NR1H4: variants seen among roughly 807,000 people sequenced by gnomAD.
NR1H4 encodes nuclear receptor subfamily 1 group H member 4, also known as bile acid receptor.
NR1H4 carries 23 observed loss-of-function variants against 58.5 expected under a neutral mutation model. The ratio of observed to expected loss-of-function variants is 0.39; its 90% CI spans 0.28 to 0.56. The LOEUF is 0.56. NR1H4 is among the 20% of genes least tolerant of loss of function. NR1H4 has a pLI of 0.58. For missense variants in NR1H4, 487 were observed against 576.9 expected, an observed-to-expected ratio of 0.84 and a Z score of 1.60; for synonymous variants, 214 against 198.0, an observed-to-expected ratio of 1.08 and a Z score of -0.68.
intron 9 of NR1H4, among the ~76,000 whole-genome samples, chr12:100,541,981 T>A (rs1172750630): frequency 6.6e-6 from 1 of 152,184 alleles, no homozygotes; most frequent in Non-Finnish European, 1.5e-5. Context: ...TTCCCATTTT[T>A]CAAATGGAAA....
chr12:100,534,399 T>C (rs1203658371), intron 5 of NR1H4, among the ~76,000 whole-genome samples: 1 of 152,214 alleles, frequency 6.6e-6, no homozygotes, highest in Non-Finnish European at 1.5e-5. Context: ...AATGTGAAAT[T>C]CAATATCCTT....
At chr12:100,484,734 A>G (rs1953454279) in intron 1 of NR1H4, among the ~76,000 whole-genome samples, 5 of 151,996 alleles carry the variant, frequency 3.3e-5, no homozygotes, top group Admixed American at 2.6e-4. Flanking sequence ...TCCTTCTTTT[A>G]CTGCTTCCCC....
At chr12:100,535,161 C>A (rs1338153411) in intron 6 of NR1H4, 138 bp downstream of exon 6, 9 of 926,874 alleles carry the variant, frequency 9.7e-6, no homozygotes, top group Non-Finnish European at 1.4e-5. Context: ...AAAATGGATT[C>A]CTAATACATG....
intron 1 of NR1H4, among the ~76,000 whole-genome samples, chr12:100,477,420 G>C (rs1293026021): frequency 1.3e-5 from 2 of 151,742 alleles, no homozygotes; most frequent in Non-Finnish European, 2.9e-5. Flanking sequence ...TTGAGATTTT[G>C]CTTCCCATTT....
chr12:100,561,956 G>A lies in NR1H4; in HGVS notation c.1150G>A (p.Glu384Lys). Residue 384 changes from glutamate (E) to lysine (K), a missense_variant, in exon 10 of 11, where the codon GAG becomes AAG. By Grantham distance (56) the Glu-to-Lys change is moderately conservative (BLOSUM62 1). Transcript: ENST00000392986. ...TATTGGGGAACTGAAAATGACTCAA[G>A]AGGAGTATGCTCTGCTTACAGCAAT... is the stretch of plus-strand genomic sequence containing the variant. ...KSIGELKMTQ[E>K]EYALLTAIVI... The A allele has an allele frequency of 6.4e-7, 1 of 1,571,934 alleles. No homozygotes were observed. Among genetic ancestry groups the A allele is most frequent in the Non-Finnish European group, 8.8e-7 (1 of 1,142,030 alleles).
At chr12:100,509,593 T>G (rs1593069277) in intron 3 of NR1H4, among the ~76,000 whole-genome samples, 1 of 152,342 alleles carries the variant, frequency 6.6e-6, no homozygotes, top group East Asian at 1.9e-4. Context: ...GTGTTATTAT[T>G]CTCTGTTTTA....
chr12:100,532,652 A>C, intron 5 of NR1H4, 42 bp downstream of exon 5: 1 of 1,586,162 alleles, frequency 6.3e-7, no homozygotes, highest in Non-Finnish European at 8.7e-7. Context: ...AAATCTCTTA[A>C]GGAGGCAGAT....
chr12:100,562,124 T>C (rs2136327883), intron 10 of NR1H4, 126 bp downstream of exon 10: 1 of 630,928 alleles, frequency 1.6e-6, no homozygotes, highest in African/African-American at 1.8e-5. Context: ...ATAATTCTGC[T>C]ATCCAAATAG....
In NR1H4 at chr12:100,534,900, T is replaced by C; in HGVS notation, c.609T>C (p.Thr203=). Residue 203 remains threonine, a synonymous_variant, in exon 6 of 11, where the codon ACT becomes ACC. Coordinates refer to ENST00000392986, the MANE Select transcript of NR1H4 (RefSeq NM_001206979.2). The part of the protein sequence containing the change: ...LAECMYTGLL[T]EIQCKSKRLR... ...GCTTATTTGTTTTAGGCTTGTTAAC[T>C]GAAATTCAGTGTAAATCTAAGCGAC... 3 of 1,614,210 alleles carry C rather than the reference T, an allele frequency of 1.9e-6. No homozygotes were observed. Among genetic ancestry groups the C allele is most frequent in the Non-Finnish European group, 2.5e-6 (3 of 1,180,018 alleles).
chr12:100,546,464 G>A (rs1220769442), intron 9 of NR1H4, among the ~76,000 whole-genome samples: 1 of 152,060 alleles, frequency 6.6e-6, no homozygotes, highest in African/African-American at 2.4e-5. Context: ...GGGAGGCTGA[G>A]GCAGGTGGAT....
intron 9 of NR1H4, among the ~76,000 whole-genome samples, chr12:100,541,792 T>A (rs1349782088): frequency 6.6e-6 from 1 of 151,848 alleles, no homozygotes; most frequent in Non-Finnish European, 1.5e-5. Flanking sequence ...AGACAGGGTT[T>A]CACCATGTTG....
Position 100,563,323 on chromosome 12 carries a change from T to G in NR1H4, c.1265T>G (p.Leu422Trp). Residue 422 changes from leucine (L) to tryptophan (W), a missense_variant, in exon 11 of 11, where the codon TTG becomes TGG. Transcript: ENST00000392986. ...QEPLLDVLQK[L>W]CKIHQPENPQ... ...CCACTTCTTGATGTGCTACAAAAGT[T>G]GTGTAAGATTCACCAGCCTGAAAAT... 1 of 1,614,146 alleles carries G rather than the reference T, an allele frequency of 6.2e-7. No individual in the cohort carries two copies. The highest frequency in any genetic ancestry group is 8.5e-7 in the Non-Finnish European group (1 of 1,180,024).
At chr12:100,497,616 C>T (rs1953744530) in intron 3 of NR1H4, among the ~76,000 whole-genome samples, 1 of 152,094 alleles carries the variant, frequency 6.6e-6, no homozygotes, top group South Asian at 2.1e-4. Context: ...TGGAAGGACA[C>T]AGTTACCACA....
At chr12:100,513,124 A>G (rs1954165137) in intron 4 of NR1H4, among the ~76,000 whole-genome samples, 1 of 152,214 alleles carries the variant, frequency 6.6e-6, no homozygotes. Flanking sequence ...GTCACGTCTG[A>G]ATAGGTAAAT....
chr12:100,538,447 G>A (rs1371273727), intron 8 of NR1H4, among the ~76,000 whole-genome samples: 1 of 152,160 alleles, frequency 6.6e-6, no homozygotes, highest in Non-Finnish European at 1.5e-5. Flanking sequence ...GTATGTGTAA[G>A]GTGAGGGAGA....
At chr12:100,510,607 T>TTTTATATATATATATA (rs373001024) in intron 3 of NR1H4, among the ~76,000 whole-genome samples, 171 bp from the exon 4 acceptor site, 1 of 133,694 alleles carries the variant, frequency 7.5e-6, no homozygotes, top group African/African-American at 2.8e-5. Flanking sequence ...TCATTTAATT[T>TTTTATATATATATATA]TATATATATA....
rs574115241 is a variant in NR1H4 at position 100,508,785 on chromosome 12, C to T, written c.80-1993C>T. Among the ~76,000 whole-genome samples the T allele has an allele frequency of 1.1e-4, 17 of 152,240 alleles. No homozygotes were observed. The South Asian group carries it at 3.3e-3, about 30-fold the overall frequency. ...TTTTGAGCACAGCAAAGAGCATTGC[C>T]AATTTGAAATCCCCAAAGCCCCAAA... On this transcript the variant is annotated intron_variant, in intron 3 of 10. Coordinates refer to ENST00000392986, the MANE Select transcript of NR1H4 (RefSeq NM_001206979.2).
intron 9 of NR1H4, among the ~76,000 whole-genome samples, chr12:100,558,885 C>T (rs1435764997): frequency 6.6e-6 from 1 of 152,210 alleles, no homozygotes; most frequent in East Asian, 1.9e-4. Context: ...AACCTAGTTC[C>T]ACCTCTCTCA....
intron 8 of NR1H4, among the ~76,000 whole-genome samples, chr12:100,540,307 GC>G (rs1464911907): frequency 6.6e-6 from 1 of 152,092 alleles, no homozygotes; most frequent in African/African-American, 2.4e-5. Flanking sequence ...TTTTCTTCTG[GC>G]TTGTAGATGC....
Sources: gnomAD v4.1 joint callset for allele counts (sites outside exome capture counted in the v4.1 genomes callset) on GRCh38, gnomAD v4.1.1 for gene constraint, MANE v1.5 for transcripts, NCBI Gene and HGNC (gene_info 2026-07-23, HGNC 2026-07-21) for gene names.